EYA1: variants seen among roughly 807,000 people sequenced by gnomAD.
EYA1 encodes the protein EYA transcriptional coactivator and phosphatase 1.
Under a neutral mutation model 82.0 loss-of-function variants are expected in EYA1, and 16 were observed. That is an observed-to-expected ratio of 0.20 (90% CI 0.13 to 0.30). The LOEUF (loss-of-function observed/expected upper bound fraction) is 0.30, where lower values mean the gene tolerates loss of function less well. Ranked by LOEUF, EYA1 falls within the 10% of genes least tolerant of loss-of-function variation. EYA1 has a pLI of 1.00. For synonymous variants in EYA1, 261 were observed against 264.4 expected (o/e 0.99, Z 0.12); for missense variants, 633 against 730.7 (o/e 0.87, Z 1.54).
At chr8:71,449,847 T>C (rs979721439) in intron 2 of EYA1, among the ~76,000 whole-genome samples, 1 of 152,214 alleles carries the variant, frequency 6.6e-6, no homozygotes, top group Non-Finnish European at 1.5e-5. Context: ...CTTAGCCAGA[T>C]CTTCTGGAAA....
intron 4 of EYA1, chr8:71,322,611 G>T (rs1257661669): frequency 1.2e-5 from 4 of 332,634 alleles, no homozygotes; most frequent in Non-Finnish European, 2.3e-5. Context: ...AAGCTGTGCT[G>T]AAAGGGGAGG....
intron 2 of EYA1, among the ~76,000 whole-genome samples, chr8:71,463,588 TCTCTCTCTCTCTCTC>T (rs1808539528): frequency 2.5e-5 from 1 of 39,720 alleles, no homozygotes; most frequent in Non-Finnish European, 4.1e-5. Flanking sequence ...TCTCTCTCTC[TCTCTCTCTCTCTCTC>T]TCTCTCTCTC....
intron 2 of EYA1, among the ~76,000 whole-genome samples, chr8:71,471,732 TG>T (rs1027538789): frequency 6.6e-6 from 1 of 152,082 alleles, no homozygotes; most frequent in Non-Finnish European, 1.5e-5. Context: ...CCCCTGATAT[TG>T]GGGTTGGCTA....
chr8:71,398,433 C>T (rs903549874), intron 2 of EYA1, among the ~76,000 whole-genome samples: 3 of 152,178 alleles, frequency 2.0e-5, no homozygotes, highest in Admixed American at 6.5e-5. Context: ...GTGGTTTTAT[C>T]TACCTTTGGT....
intron 1 of EYA1, among the ~76,000 whole-genome samples, chr8:71,358,932 G>T (rs531187139): frequency 6.6e-6 from 1 of 152,166 alleles, no homozygotes; most frequent in South Asian, 2.1e-4. Context: ...CACATTTTCT[G>T]CTTTACACCC....
chr8:71,428,564 A>G (rs191462174), intron 2 of EYA1, among the ~76,000 whole-genome samples: 2 of 152,320 alleles, frequency 1.3e-5, no homozygotes, highest in African/African-American at 4.8e-5. Context: ...ACCATGAAAT[A>G]TACAAACTTT....
intron 2 of EYA1, among the ~76,000 whole-genome samples, chr8:71,432,946 T>C (rs554246274): frequency 6.6e-6 from 1 of 152,190 alleles, no homozygotes; most frequent in South Asian, 2.1e-4. Context: ...TATTATTCTT[T>C]ACTCTGGAAT....
intron 2 of EYA1, among the ~76,000 whole-genome samples, chr8:71,431,278 G>A (rs1466020835): frequency 6.6e-6 from 1 of 152,148 alleles, no homozygotes; most frequent in Non-Finnish European, 1.5e-5. Flanking sequence ...AGTATATTCA[G>A]TGAGCATCTC....
chr8:71,223,301 G>A (rs533337983), intron 12 of EYA1, among the ~76,000 whole-genome samples: 1 of 152,244 alleles, frequency 6.6e-6, no homozygotes, highest in South Asian at 2.1e-4. Flanking sequence ...TTACCAGCCT[G>A]CAAACCTCTG....
chr8:71,419,330 A>G (rs1197990270), intron 2 of EYA1, among the ~76,000 whole-genome samples: 2 of 152,286 alleles, frequency 1.3e-5, no homozygotes, highest in Middle Eastern at 3.4e-3. Flanking sequence ...GCTTCCTACC[A>G]TCTTGACTTA....
At chr8:71,294,485 C>T (rs1028602627) in intron 9 of EYA1, among the ~76,000 whole-genome samples, 4 of 150,568 alleles carry the variant, frequency 2.7e-5, no homozygotes, top group African/African-American at 9.8e-5. Flanking sequence ...AAAAACACAC[C>T]ATTATTTCCA....
chr8:71,291,367 T>C (rs1818978320), intron 9 of EYA1, among the ~76,000 whole-genome samples: 2 of 152,192 alleles, frequency 1.3e-5, no homozygotes, highest in South Asian at 2.1e-4. Context: ...CCCATGCATA[T>C]TGAATTCCCT....
At chr8:71,334,407 G>A in intron 3 of EYA1, 1 of 558,022 alleles carries the variant, frequency 1.8e-6, no homozygotes, top group South Asian at 1.9e-5. Flanking sequence ...AAGCAGCACT[G>A]TAAAAGTAAT....
At chr8:71,252,159 G>T (rs1310392538) in intron 11 of EYA1, among the ~76,000 whole-genome samples, 1 of 151,882 alleles carries the variant, frequency 6.6e-6, no homozygotes, top group Non-Finnish European at 1.5e-5. Context: ...GGACTTTTTA[G>T]TAGGCACAAT....
rs771589229 is a variant in EYA1, at chr8:71,299,074, T to C, written c.799A>G (p.Ser267Gly). 4 of 1,614,072 alleles carry C rather than the reference T, an allele frequency of 2.5e-6. No homozygotes were observed. The Admixed American group carries it at 5.0e-5, about 20-fold the overall frequency. The change falls in exon 9 of 18, where the codon AGC becomes GGC. Residue 267 changes from serine to glycine, a missense_variant. Physicochemically the swap from Ser to Gly is moderately conservative, Grantham distance 56. Transcript: ENST00000340726. ...QLQEPPSGIT[S>G]QAVTDPTAEY... ...GCTGTGGGATCTGTAACTGCTTGGC[T>C]GGTGATGCCAGATGGCGGTTCTTGA...
intron 2 of EYA1, among the ~76,000 whole-genome samples, chr8:71,495,342 G>A (rs1157060922): frequency 6.6e-6 from 1 of 152,168 alleles, no homozygotes; most frequent in African/African-American, 2.4e-5. Flanking sequence ...GGCTGGGCAC[G>A]ATGGCTCACG....
chr8:71,299,576 A>G, intron 8 of EYA1, 62 bp downstream of exon 8: 2 of 959,964 alleles, frequency 2.1e-6, no homozygotes, highest in Non-Finnish European at 3.4e-6. Flanking sequence ...CTTTCTTTAC[A>G]TAAGAAAATC....
At chr8:71,325,680 G>A (rs918159128) in intron 4 of EYA1, among the ~76,000 whole-genome samples, 16 of 152,150 alleles carry the variant, frequency 1.1e-4, no homozygotes, top group Non-Finnish European at 4.4e-5. Context: ...TATACCTTAT[G>A]AAATAAATGT....
chr8:71,506,270 G>C (rs1384993589), intron 2 of EYA1, among the ~76,000 whole-genome samples: 1 of 152,170 alleles, frequency 6.6e-6, no homozygotes, highest in Non-Finnish European at 1.5e-5. Flanking sequence ...CATATCCAGA[G>C]CAAAAGTATT....
Sources: gnomAD v4.1 joint callset for allele counts (sites outside exome capture counted in the v4.1 genomes callset) on GRCh38, gnomAD v4.1.1 for gene constraint, MANE v1.5 for transcripts, NCBI Gene and HGNC (gene_info 2026-07-23, HGNC 2026-07-21) for gene names.